The following RSBN1 variants were observed in gnomAD, a reference collection of about 807,000 sequenced individuals.
RSBN1 encodes lysine-specific demethylase 9.
Under a neutral mutation model 74.8 loss-of-function variants are expected in RSBN1, and 23 were observed. That is an observed-to-expected ratio of 0.31 (90% CI 0.22 to 0.44). The LOEUF (loss-of-function observed/expected upper bound fraction) is 0.44, where lower values mean the gene tolerates loss of function less well. Ranked by LOEUF, RSBN1 falls within the 20% of genes least tolerant of loss-of-function variation. The probability of loss-of-function intolerance (pLI) is 1.00; values close to 1 mark genes in which losing one functional copy is unlikely to be tolerated. For missense variants in RSBN1, 808 were observed against 1,020.9 expected (o/e 0.79, Z 2.84); for synonymous variants, 407 against 379.6 (o/e 1.07, Z -0.84).
At chr1:113,782,648 A>G (rs934625295) in intron 2 of RSBN1, among the ~76,000 whole-genome samples, 1 of 152,210 alleles carries the variant, frequency 6.6e-6, no homozygotes. Flanking sequence ...AATTTCCTTG[A>G]GTTGGACATA....
rs942357033 is a variant in RSBN1, at chr1:113,764,433, G to C, written c.*1547C>G. On this transcript the variant is annotated 3_prime_UTR_variant, in exon 7 of 7. Coordinates refer to ENST00000261441, the MANE Select transcript of RSBN1 (RefSeq NM_018364.5). ...ATTTGCTGATGGTTACTTTTCTATC[G>C]GTTTACACAGTGACCTCTATACTTT... 1 of 152,348 alleles carries C rather than the reference G, an allele frequency of 6.6e-6. No homozygotes were observed. The highest frequency in any genetic ancestry group is 1.5e-5 in the Non-Finnish European group (1 of 67,958). 9.4% of individuals were successfully genotyped at this position (152,348 alleles called of 1,614,324 possible). A position where few individuals can be genotyped will look rare whatever the true frequency, so the allele number is the denominator to read the frequency against.
chr1:113,770,068 T>A (rs1458161377), intron 4 of RSBN1, among the ~76,000 whole-genome samples: 2 of 152,120 alleles, frequency 1.3e-5, no homozygotes. Flanking sequence ...TTCTGATGAG[T>A]ACTGGTAAAT....
rs1488620481 is a variant in RSBN1 at position 113,777,713 on chromosome 1, G to A, written c.1473C>T (p.Phe491=). Residue 491 remains phenylalanine (F), a synonymous_variant, in exon 3 of 7, where the codon TTC becomes TTT. Transcript: ENST00000261441. ...CTTCTAACATATCAAGGAACTCTGG[G>A]AAATAATCACCAACTTCTTCATCTA... ...GAVDEEVGDY[F]PEFLDMLEES... 3 of 1,611,532 alleles carry A rather than the reference G, an allele frequency of 1.9e-6. No individual in the cohort carries two copies. The Admixed American group carries it at 5.0e-5, about 27-fold the overall frequency.
At chr1:113,806,477 G>A (rs1028008616) in intron 1 of RSBN1, among the ~76,000 whole-genome samples, 5 of 151,858 alleles carry the variant, frequency 3.3e-5, no homozygotes, top group South Asian at 4.2e-4. Context: ...AAAAAATGGC[G>A]ACCTAAACCT....
intron 1 of RSBN1, among the ~76,000 whole-genome samples, chr1:113,799,783 A>C (rs1174766562): frequency 6.6e-6 from 1 of 152,168 alleles, no homozygotes; most frequent in Non-Finnish European, 1.5e-5. Context: ...ATTATCATGG[A>C]TTGACAAGCC....
Position 113,812,020 on chromosome 1 carries a change from G to A in RSBN1, c.393C>T (p.Ala131=). ...HPGPLPPTNA[A]PTVPGPVEPL... ...GCTCAACAGGGCCTGGGACAGTTGG[G>A]GCTGCATTCGTTGGCGGCAGCGGCC... Residue 131 remains alanine, a synonymous_variant, in exon 1 of 7, where the codon GCC becomes GCT. Transcript: ENST00000261441. 2 of 1,535,874 alleles carry A rather than the reference G, an allele frequency of 1.3e-6. No homozygotes were observed. The highest frequency in any genetic ancestry group is 1.8e-6 in the Non-Finnish European group (2 of 1,141,784).
Position 113,777,166 on chromosome 1 carries a change from T to TA in RSBN1, c.1658+43dup, listed in dbSNP as rs141234764. The TA allele has an allele frequency of 1.9e-3, 2,977 of 1,568,876 alleles. 46 individuals are homozygous for TA. In the African/African-American group the frequency reaches 0.034, roughly 18 times the overall value. On this transcript the variant is annotated intron_variant, in intron 4 of 6. Transcript: ENST00000261441. ...GTGCTCATTTTTATAAGCAACCAAC[T>TA]AAAAAAAAGTAGTTTTGCTTATTTG...
intron 2 of RSBN1, among the ~76,000 whole-genome samples, chr1:113,789,819 A>G (rs568147604): frequency 5.3e-5 from 8 of 152,356 alleles, no homozygotes; most frequent in African/African-American, 1.9e-4. Flanking sequence ...GTGTTCAAAA[A>G]CAGTGATACA....
chr1:113,781,890 T>C (rs1453613311), intron 2 of RSBN1, among the ~76,000 whole-genome samples: 1 of 152,206 alleles, frequency 6.6e-6, no homozygotes, highest in East Asian at 1.9e-4. Context: ...TCTTAACCAG[T>C]ATCCTTGCTT....
At chr1:113,798,840 T>C (rs1368972556) in intron 1 of RSBN1, among the ~76,000 whole-genome samples, 2 of 152,188 alleles carry the variant, frequency 1.3e-5, no homozygotes, top group Non-Finnish European at 2.9e-5. Flanking sequence ...TACTCAGCCA[T>C]TGTAAAGTAT....
Position 113,812,467 on chromosome 1 carries a change from A to C in RSBN1, c.-55T>G, listed in dbSNP as rs182870440. The C allele has an allele frequency of 6.7e-7, 1 of 1,499,836 alleles. No individual in the cohort carries two copies. The highest frequency in any genetic ancestry group is 8.9e-7 in the Non-Finnish European group (1 of 1,128,724). The allele number at this position is 1,499,836 out of a possible 1,614,324, so 92.9% of individuals were successfully genotyped here. On this transcript the variant is annotated 5_prime_UTR_variant, in exon 1 of 7. Coordinates refer to ENST00000261441, the MANE Select transcript of RSBN1 (RefSeq NM_018364.5). Reference sequence around the variant, plus strand: ...CGCAGGCCTCTCCAACCGAGCTTCTATTGTAAAGCACCCTATGCCGCGCAA... The same window carrying C: ...CGCAGGCCTCTCCAACCGAGCTTCTCTTGTAAAGCACCCTATGCCGCGCAA...
intron 2 of RSBN1, among the ~76,000 whole-genome samples, chr1:113,779,235 T>C (rs1293158463): frequency 6.6e-6 from 1 of 152,222 alleles, no homozygotes; most frequent in African/African-American, 2.4e-5. Flanking sequence ...TTTGCCTTAA[T>C]AGGAAACAGT....
chr1:113,777,380 A>G (rs1489588079), intron 3 of RSBN1, 28 bp from the exon 4 acceptor site: 6 of 1,582,004 alleles, frequency 3.8e-6, no homozygotes, highest in Non-Finnish European at 5.2e-6. Flanking sequence ...TAGTCACATT[A>G]AAAAATTGTT....
chr1:113,812,114 C>T lies in RSBN1; in HGVS notation c.299G>A (p.Arg100Gln), dbSNP rs766529344. Residue 100 changes from arginine to glutamine, a missense_variant, in exon 1 of 7, where the codon CGG becomes CAG. Physicochemically the swap from Arg to Gln is conservative, Grantham distance 43. Around this residue, in one of 6 missense-constraint regions of RSBN1, gnomAD observed 464 missense variants for 401.0 expected, o/e 1.16. Coordinates refer to ENST00000261441, the MANE Select transcript of RSBN1 (RefSeq NM_018364.5). ...AGGGGGCTCCTGGCTCGGCCGCCCC[C>T]GCTTCTCCTGAGACCCCCCACTGCT... Reference protein sequence around the residue: ...RSSSGGSQEKRGRPSQEPPLA... With the variant: ...RSSSGGSQEKQGRPSQEPPLA... 1.2e-6 allele frequency: 2 copies of T among 1,602,404 alleles called. No homozygotes were observed. Among genetic ancestry groups the T allele is most frequent in the Admixed American group, 1.7e-5 (1 of 59,136 alleles).
chr1:113,773,505 A>T (rs1301826608), intron 4 of RSBN1, among the ~76,000 whole-genome samples: 2 of 151,964 alleles, frequency 1.3e-5, no homozygotes, highest in East Asian at 3.9e-4. Flanking sequence ...CCTGGGTGAC[A>T]GAGCAAGACT....
chr1:113,806,207 C>T (rs192443208), intron 1 of RSBN1, among the ~76,000 whole-genome samples: 27 of 151,794 alleles, frequency 1.8e-4, no homozygotes, highest in Admixed American at 1.7e-3. Context: ...TGGTGGTGGG[C>T]GCCTGTAATC....
Position 113,812,148 on chromosome 1 carries a change from G to A in RSBN1, c.265C>T (p.Arg89Cys). The A allele has an allele frequency of 2.5e-6, 4 of 1,609,702 alleles. No individual in the cohort carries two copies. Among genetic ancestry groups the A allele is most frequent in the Non-Finnish European group, 3.4e-6 (4 of 1,179,790 alleles). ...GVSPRGVKRQRRSSSGGSQEK... is the reference protein window; with the variant it reads ...GVSPRGVKRQCRSSSGGSQEK... Reference sequence around the variant, plus strand: ...TGAGACCCCCCACTGCTAGATCGGCGCTGCCGTTTAACTCCCCGCGGGGAG... The same window carrying A: ...TGAGACCCCCCACTGCTAGATCGGCACTGCCGTTTAACTCCCCGCGGGGAG... Residue 89 changes from arginine (R) to cysteine (C), a missense_variant, in exon 1 of 7, where the codon CGC (arginine) becomes TGC (cysteine). Transcript: ENST00000261441.
intron 1 of RSBN1, among the ~76,000 whole-genome samples, chr1:113,799,136 A>C (rs1402384825): frequency 1.3e-5 from 2 of 152,212 alleles, no homozygotes; most frequent in Non-Finnish European, 2.9e-5. Context: ...ATAAACATTA[A>C]TTCATCCAAA....
intron 1 of RSBN1, among the ~76,000 whole-genome samples, chr1:113,807,312 TC>T (rs1272693757): frequency 2.7e-5 from 3 of 112,038 alleles, no homozygotes; most frequent in East Asian, 2.5e-4. Context: ...AGAATCCATC[TC>T]AAAAAAAAAA....
Sources: gnomAD v4.1 joint callset for allele counts (sites outside exome capture counted in the v4.1 genomes callset) on GRCh38, gnomAD v4.1.1 for gene constraint, gnomAD v4.1.1 regional missense constraint, MANE v1.5 for transcripts, NCBI Gene and HGNC (gene_info 2026-07-23, HGNC 2026-07-21) for gene names.